The following HEMK2 variants were observed in gnomAD, a reference collection of about 807,000 sequenced individuals.
The protein encoded by HEMK2 is HemK methyltransferase 2, ETF1 glutamine and histone H4 lysine.
the HEMK2 span, among the ~76,000 whole-genome samples, chr21:28,648,261 T>A: frequency 2.6e-5 from 4 of 152,228 alleles, no homozygotes; most frequent in African/African-American, 9.6e-5. Flanking sequence ...AATAAAGCAT[T>A]TGACCCACTT....
At chr21:28,646,972 C>T in the HEMK2 span, among the ~76,000 whole-genome samples, 2 of 152,078 alleles carry the variant, frequency 1.3e-5, no homozygotes, top group African/African-American at 4.8e-5. Context: ...GGCTCCTGTT[C>T]TTAATAAGGG....
the HEMK2 span, among the ~76,000 whole-genome samples, chr21:28,690,239 T>C: frequency 1.6e-4 from 25 of 152,296 alleles, no homozygotes; most frequent in African/African-American, 5.5e-4. Context: ...CAAGGTGAGA[T>C]TCAGGTAGGG....
the HEMK2 span, chr21:28,882,373 C>T: frequency 0.84 from 491,574 of 582,248 alleles, 211,557 homozygotes; most frequent in South Asian, 0.93. Flanking sequence ...AAAATTAGAA[C>T]GTATTCAATA....
At chr21:28,666,633 G>T in the HEMK2 span, among the ~76,000 whole-genome samples, 1 of 152,158 alleles carries the variant, frequency 6.6e-6, no homozygotes, top group Non-Finnish European at 1.5e-5. Context: ...TAATAACAGA[G>T]GAGGGCAGGT....
At chr21:28,743,554 A>T in the HEMK2 span, among the ~76,000 whole-genome samples, 3 of 152,112 alleles carry the variant, frequency 2.0e-5, no homozygotes, top group Admixed American at 2.0e-4. Context: ...GCAGAAAAGA[A>T]AAAAGAGAGT....
the HEMK2 span, among the ~76,000 whole-genome samples, chr21:28,803,513 A>T: frequency 6.6e-6 from 1 of 152,248 alleles, no homozygotes; most frequent in East Asian, 1.9e-4. Context: ...ATAGCTTAGC[A>T]GCCAGAAAGT....
At chr21:28,824,911 C>T in the HEMK2 span, among the ~76,000 whole-genome samples, 1 of 151,486 alleles carries the variant, frequency 6.6e-6, no homozygotes, top group African/African-American at 2.4e-5. Flanking sequence ...TTTTTAATCC[C>T]TCCCAGTTTG....
the HEMK2 span, among the ~76,000 whole-genome samples, chr21:28,865,287 T>G: frequency 6.6e-6 from 1 of 152,172 alleles, no homozygotes; most frequent in African/African-American, 2.4e-5. Context: ...TCCCTCAGCC[T>G]CCCGAGTAGC....
chr21:28,742,848 T>A, the HEMK2 span, among the ~76,000 whole-genome samples: 1 of 151,912 alleles, frequency 6.6e-6, no homozygotes, highest in Non-Finnish European at 1.5e-5. Context: ...GAAACGTTTT[T>A]CTAGCACAAC....
the HEMK2 span, among the ~76,000 whole-genome samples, chr21:28,707,886 A>C: frequency 1.3e-5 from 2 of 152,200 alleles, no homozygotes; most frequent in Non-Finnish European, 1.5e-5. Context: ...TGTCAATTAA[A>C]TATTGTTTTA....
the HEMK2 span, among the ~76,000 whole-genome samples, chr21:28,847,805 AAGGT>A: frequency 3.9e-5 from 6 of 152,088 alleles, no homozygotes; most frequent in South Asian, 1.2e-3. Flanking sequence ...TGTATGGTAA[AAGGT>A]AGGAGTCCAG....
the HEMK2 span, chr21:28,879,899 G>A: frequency 1.3e-6 from 2 of 1,599,048 alleles, no homozygotes; most frequent in Non-Finnish European, 1.7e-6. Context: ...ACATAGGGGG[G>A]ATTAAACACC....
chr21:28,587,549 C>G, the HEMK2 span, among the ~76,000 whole-genome samples: 1 of 152,324 alleles, frequency 6.6e-6, no homozygotes, highest in Non-Finnish European at 1.5e-5. Context: ...CCTTTTCCTT[C>G]TGGCATAGGT....
chr21:28,671,020 C>T, the HEMK2 span: 2 of 152,164 alleles, frequency 1.3e-5, no homozygotes, highest in African/African-American at 4.8e-5. Context: ...AGTGATGCAA[C>T]AGGTAATATA....
chr21:28,873,174 T>A, the HEMK2 span: 2 of 152,196 alleles, frequency 1.3e-5, no homozygotes, highest in Admixed American at 1.3e-4. Context: ...GGTGGTAAAG[T>A]CTTCATGTGA....
the HEMK2 span, among the ~76,000 whole-genome samples, chr21:28,763,806 A>G: frequency 6.6e-6 from 1 of 152,106 alleles, no homozygotes; most frequent in Non-Finnish European, 1.5e-5. Flanking sequence ...GGTGCTTCCA[A>G]ACCAACTCGT....
chr21:28,685,439 C>T, the HEMK2 span, among the ~76,000 whole-genome samples: 1 of 152,120 alleles, frequency 6.6e-6, no homozygotes, highest in East Asian at 1.9e-4. Context: ...TGATGACTCC[C>T]TCTTTTTTAA....
At chr21:28,822,744 T>C in the HEMK2 span, among the ~76,000 whole-genome samples, 3 of 152,144 alleles carry the variant, frequency 2.0e-5, no homozygotes, top group Non-Finnish European at 4.4e-5. Flanking sequence ...GTAATTAGCA[T>C]CAACAAAGCT....
chr21:28,735,771 T>C, the HEMK2 span, among the ~76,000 whole-genome samples: 4 of 152,206 alleles, frequency 2.6e-5, no homozygotes, highest in African/African-American at 4.8e-5. Context: ...AACCTCCCTA[T>C]CTTATGCTCA....
Sources: gnomAD v4.1 joint callset for allele counts (sites outside exome capture counted in the v4.1 genomes callset) on GRCh38, gnomAD v4.1.1 for gene constraint, MANE v1.5 for transcripts, NCBI Gene and HGNC (gene_info 2026-07-23, HGNC 2026-07-21) for gene names.